Variants in TSNARE1 observed in about 807,000 individuals in gnomAD.
The protein encoded by TSNARE1 is t-SNARE domain-containing protein 1.
TSNARE1 carries 49 observed loss-of-function variants against 62.0 expected under a neutral mutation model. That is an observed-to-expected ratio of 0.79 (90% CI 0.63 to 1.00). The LOEUF (loss-of-function observed/expected upper bound fraction) is 1.00, where lower values mean the gene tolerates loss of function less well. Ranked by LOEUF, TSNARE1 falls within the 50% of genes least tolerant of loss-of-function variation. The pLI is 0.00. For synonymous variants in TSNARE1, 328 were observed against 294.4 expected (o/e 1.11, Z -1.17); for missense variants, 755 against 700.1 (o/e 1.08, Z -0.88).
chr8:142,402,429 C>T (rs1838361741), intron 1 of TSNARE1, among the ~76,000 whole-genome samples: 1 of 152,222 alleles, frequency 6.6e-6, no homozygotes, highest in Admixed American at 6.5e-5. Context: ...TAGGGGCTAC[C>T]ACACTGGACA....
chr8:142,270,395 C>G (rs1227404555), intron 12 of TSNARE1: 1 of 985,062 alleles, frequency 1.0e-6, no homozygotes, highest in African/African-American at 1.8e-5. Flanking sequence ...TCATTTTATG[C>G]TTATGTAAAA....
chr8:142,372,832 C>G (rs1375771558), intron 1 of TSNARE1, among the ~76,000 whole-genome samples: 1 of 151,934 alleles, frequency 6.6e-6, no homozygotes, highest in Non-Finnish European at 1.5e-5. Flanking sequence ...TGTTTCCTTC[C>G]CTGCTGTGCC....
intron 1 of TSNARE1, among the ~76,000 whole-genome samples, chr8:142,379,587 G>A (rs1427437364): frequency 1.3e-5 from 2 of 152,214 alleles, no homozygotes; most frequent in Non-Finnish European, 2.9e-5. Flanking sequence ...AGGGTTCAAC[G>A]TGCCACAGGT....
chr8:142,286,774 C>T (rs1199143267), intron 10 of TSNARE1, among the ~76,000 whole-genome samples: 2 of 152,154 alleles, frequency 1.3e-5, no homozygotes, highest in African/African-American at 4.8e-5. Flanking sequence ...GACGTGATCC[C>T]GTCAGAAGCC....
chr8:142,242,947 C>CA (rs35092120), intron 12 of TSNARE1, among the ~76,000 whole-genome samples: 12,026 of 50,870 alleles, frequency 0.24, 2,142 homozygotes, highest in African/African-American at 0.43. Context: ...AACTCTGTCT[C>CA]AAAAAAAAAA....
intron 9 of TSNARE1, among the ~76,000 whole-genome samples, chr8:142,307,922 G>C (rs777313189): frequency 3.9e-5 from 6 of 152,220 alleles, no homozygotes; most frequent in Non-Finnish European, 8.8e-5. Context: ...CTAGTTATTT[G>C]TGTGGGTGTG....
intron 12 of TSNARE1, chr8:142,270,581 T>C (rs986660196): frequency 1.0e-6 from 1 of 984,774 alleles, no homozygotes; most frequent in Non-Finnish European, 1.2e-6. Context: ...CAGAACCACG[T>C]AGGGCAGAGG....
chr8:142,396,632 G>A (rs1013381752), intron 1 of TSNARE1, among the ~76,000 whole-genome samples: 5 of 152,242 alleles, frequency 3.3e-5, no homozygotes, highest in Non-Finnish European at 7.3e-5. Flanking sequence ...GGGCAGGATC[G>A]CCAGGTGGGC....
intron 12 of TSNARE1, among the ~76,000 whole-genome samples, chr8:142,249,360 C>G (rs1003548142): frequency 2.0e-5 from 3 of 152,128 alleles, no homozygotes; most frequent in Admixed American, 2.0e-4. Context: ...GGAAGGCTGC[C>G]GAGGCCAGCG....
At chr8:142,337,977 A>C (rs937001442) in intron 4 of TSNARE1, among the ~76,000 whole-genome samples, 1 of 152,216 alleles carries the variant, frequency 6.6e-6, no homozygotes, top group South Asian at 2.1e-4. Context: ...GGCCCCCCTC[A>C]TTCCCAGTCC....
At chr8:142,260,813 A>G (rs35828884) in intron 12 of TSNARE1, among the ~76,000 whole-genome samples, 49,852 of 150,406 alleles carry the variant, frequency 0.33, 11,543 homozygotes, top group African/African-American at 0.65. Context: ...GCCCTGCCCC[A>G]GAGCTAATGT....
At chr8:142,236,867 G>A (rs1289857149) in intron 12 of TSNARE1, among the ~76,000 whole-genome samples, 5 of 152,192 alleles carry the variant, frequency 3.3e-5, no homozygotes, top group Admixed American at 1.3e-4. Context: ...CCGCCCTGGC[G>A]CAGACACAGG....
chr8:142,286,513 G>A (rs954612595), intron 10 of TSNARE1, among the ~76,000 whole-genome samples: 3 of 152,244 alleles, frequency 2.0e-5, no homozygotes, highest in African/African-American at 4.8e-5. Context: ...AAGGTAGCGA[G>A]AAGGTGGGGC....
intron 1 of TSNARE1, among the ~76,000 whole-genome samples, chr8:142,376,048 T>C (rs973017997): frequency 1.3e-5 from 2 of 152,146 alleles, no homozygotes; most frequent in African/African-American, 4.8e-5. Flanking sequence ...ACGGAAAACA[T>C]GGTCCCAGCA....
chr8:142,361,386 G>A lies in TSNARE1; in HGVS notation c.-39-6623C>T, dbSNP rs533022817. ...ACTTGGGCTGCAGGACATGAGCGCA[G>A]GGACGGGCTCCTCGGGCGAGCCCAG... On this transcript the variant is annotated intron_variant, in intron 1 of 13. Coordinates refer to ENST00000524325, the MANE Select transcript of TSNARE1 (RefSeq NM_145003.5). Among the ~76,000 whole-genome samples, 17 of 152,362 alleles carry A rather than the reference G, an allele frequency of 1.1e-4. No individual in the cohort carries two copies. In the South Asian group the frequency reaches 3.3e-3, roughly 30 times the overall value.
At chr8:142,320,050 C>T (rs1195020610) in intron 6 of TSNARE1, among the ~76,000 whole-genome samples, 3 of 152,116 alleles carry the variant, frequency 2.0e-5, no homozygotes, top group African/African-American at 7.2e-5. Flanking sequence ...TGCCCCTCAC[C>T]CCCGCTCCCA....
At chr8:142,395,303 C>A (rs1360784007) in intron 1 of TSNARE1, among the ~76,000 whole-genome samples, 1 of 152,200 alleles carries the variant, frequency 6.6e-6, no homozygotes, top group Non-Finnish European at 1.5e-5. Flanking sequence ...CCTCTCTCTA[C>A]CTTGCCCTCC....
intron 12 of TSNARE1, chr8:142,274,167 G>A (rs1046459978): frequency 1.0e-6 from 1 of 985,436 alleles, no homozygotes; most frequent in Non-Finnish European, 1.2e-6. Flanking sequence ...CCAGTGGGGA[G>A]CACCAGGCCA....
Position 142,339,009 on chromosome 8 carries a change from GC to G in TSNARE1, c.745+4956del, listed in dbSNP as rs1298516763. On this transcript the variant is annotated intron_variant, in intron 4 of 13. Transcript: ENST00000524325. Reference sequence around the variant, plus strand: ...CCGTGACCTGGGCAGGGCACAAGTGGCCAGCCCACCTCCCACCCTGGGAGGA... The same window carrying G: ...CCGTGACCTGGGCAGGGCACAAGTGGCAGCCCACCTCCCACCCTGGGAGGA... 2.6e-5 allele frequency among the ~76,000 whole-genome samples: 4 copies of G among 152,222 alleles called. No individual in the cohort carries two copies. In the South Asian group the frequency reaches 6.2e-4, roughly 24 times the overall value.
Sources: gnomAD v4.1 joint callset for allele counts (sites outside exome capture counted in the v4.1 genomes callset) on GRCh38, gnomAD v4.1.1 for gene constraint, MANE v1.5 for transcripts, NCBI Gene and HGNC (gene_info 2026-07-23, HGNC 2026-07-21) for gene names.